ACAP2: variants seen among roughly 807,000 people sequenced by gnomAD.
ACAP2 encodes ArfGAP with coiled-coil, ankyrin repeat and PH domains 2.
Under a neutral mutation model 115.8 loss-of-function variants are expected in ACAP2, and 39 were observed. That is an observed-to-expected ratio of 0.34 (90% CI 0.26 to 0.44). ACAP2 has a LOEUF of 0.44. Ranked by LOEUF, ACAP2 falls within the 20% of genes least tolerant of loss-of-function variation. The pLI is 1.00. For synonymous variants in ACAP2, 289 were observed against 315.8 expected, an observed-to-expected ratio of 0.92 and a Z score of 0.90; for missense variants, 662 against 927.6, an observed-to-expected ratio of 0.71 and a Z score of 3.72.
intron 15 of ACAP2, among the ~76,000 whole-genome samples, chr3:195,300,896 G>A (rs1728001735): frequency 6.6e-6 from 1 of 151,918 alleles, no homozygotes; most frequent in African/African-American, 2.4e-5. Flanking sequence ...ATGCATCTGT[G>A]GTGTCAATTG....
chr3:195,371,239 A>T (rs1446453139), intron 4 of ACAP2, among the ~76,000 whole-genome samples: 1 of 152,064 alleles, frequency 6.6e-6, no homozygotes, highest in East Asian at 1.9e-4. Context: ...TTCTTTGAGC[A>T]ATGTTTTGTA....
At chr3:195,357,031 G>A (rs12485407) in intron 4 of ACAP2, among the ~76,000 whole-genome samples, 3,062 of 151,958 alleles carry the variant, frequency 0.02, 91 homozygotes, top group South Asian at 0.087. Context: ...GGTTCGTAGG[G>A]TCCCTGATTC....
intron 1 of ACAP2, among the ~76,000 whole-genome samples, chr3:195,413,194 C>A (rs1461552199): frequency 2.0e-5 from 3 of 152,080 alleles, no homozygotes; most frequent in Non-Finnish European, 4.4e-5. Flanking sequence ...ATTGCTATTG[C>A]CGTATTTTCT....
At chr3:195,397,126 G>T (rs1040143475) in intron 1 of ACAP2, among the ~76,000 whole-genome samples, 2 of 152,094 alleles carry the variant, frequency 1.3e-5, no homozygotes, top group Non-Finnish European at 1.5e-5. Context: ...TGAAACTGTT[G>T]TATTCTTTTG....
intron 22 of ACAP2, 124 bp from the exon 23 acceptor site, chr3:195,279,552 T>C (rs1726352728): frequency 3.8e-6 from 2 of 525,544 alleles, no homozygotes; most frequent in Non-Finnish European, 6.1e-6. Flanking sequence ...ATGAGCATTT[T>C]TGGAAGAAAA....
At chr3:195,328,342 T>G (rs1236560409) in intron 8 of ACAP2, among the ~76,000 whole-genome samples, 1 of 152,156 alleles carries the variant, frequency 6.6e-6, no homozygotes, top group Non-Finnish European at 1.5e-5. Flanking sequence ...ATTTGATCCC[T>G]TATCACAAAT....
At chr3:195,348,773 T>A (rs1448938097) in intron 4 of ACAP2, among the ~76,000 whole-genome samples, 1 of 152,202 alleles carries the variant, frequency 6.6e-6, no homozygotes, top group East Asian at 1.9e-4. Context: ...CCTTCCTGAT[T>A]TTTAAAAACT....
chr3:195,369,297 G>A (rs1283843487), intron 4 of ACAP2, among the ~76,000 whole-genome samples: 1 of 152,072 alleles, frequency 6.6e-6, no homozygotes, highest in African/African-American at 2.4e-5. Flanking sequence ...TAGGTTCAGT[G>A]GTACATGTGC....
intron 4 of ACAP2, among the ~76,000 whole-genome samples, chr3:195,360,017 G>T (rs1732246119): frequency 6.6e-6 from 1 of 152,182 alleles, no homozygotes; most frequent in Non-Finnish European, 1.5e-5. Flanking sequence ...CATGGCAGGT[G>T]TAAATCCTTA....
intron 4 of ACAP2, among the ~76,000 whole-genome samples, chr3:195,352,401 CAATA>C (rs1731673235): frequency 6.6e-6 from 1 of 152,164 alleles, no homozygotes; most frequent in Admixed American, 6.5e-5. Flanking sequence ...TTAATATAAA[CAATA>C]AATAAAAGAA....
chr3:195,381,829 A>T, intron 3 of ACAP2, 74 bp downstream of exon 3: 1 of 1,490,660 alleles, frequency 6.7e-7, no homozygotes, highest in Non-Finnish European at 9.1e-7. Flanking sequence ...TAAATCAGGT[A>T]GATGAATGCA....
At chr3:195,422,272 T>G (rs1260914252) in intron 1 of ACAP2, among the ~76,000 whole-genome samples, 1 of 150,258 alleles carries the variant, frequency 6.7e-6, no homozygotes, top group Non-Finnish European at 1.5e-5. Context: ...ATTATTTTAT[T>G]GATCCTTAAC....
chr3:195,305,617 T>C (rs1020826540), intron 13 of ACAP2, among the ~76,000 whole-genome samples: 1 of 152,192 alleles, frequency 6.6e-6, no homozygotes, highest in South Asian at 2.1e-4. Context: ...CTGACAGCCA[T>C]GCTGCAGGCT....
rs567613950 is a variant in ACAP2, at chr3:195,405,040, T to C, written c.54-12893A>G. On this transcript the variant is annotated intron_variant, in intron 1 of 22. Coordinates refer to ENST00000326793, the MANE Select transcript of ACAP2 (RefSeq NM_012287.6). Reference sequence around the variant, plus strand: ...GTCTCGAACTCCTGATCTCAAGTGATCCGCCCGCCCCAGCCTCCCAAAGTG... The same window carrying C: ...GTCTCGAACTCCTGATCTCAAGTGACCCGCCCGCCCCAGCCTCCCAAAGTG... Among the ~76,000 whole-genome samples, 11 of 152,026 alleles carry C rather than the reference T, an allele frequency of 7.2e-5. 1 individual carries two copies. Among genetic ancestry groups the C allele is most frequent in the Middle Eastern group, 3.4e-3 (1 of 294 alleles).
intron 6 of ACAP2, among the ~76,000 whole-genome samples, chr3:195,338,193 CGAA>C (rs765343706): frequency 6.6e-6 from 1 of 152,206 alleles, no homozygotes; most frequent in Non-Finnish European, 1.5e-5. Flanking sequence ...TCTCCCTAAC[CGAA>C]GTGTAAATTC....
intron 10 of ACAP2, among the ~76,000 whole-genome samples, chr3:195,312,584 A>C (rs1728840284): frequency 6.6e-6 from 1 of 152,036 alleles, no homozygotes; most frequent in Non-Finnish European, 1.5e-5. Context: ...CTCCCACCTC[A>C]GCCTCTGGAG....
intron 5 of ACAP2, among the ~76,000 whole-genome samples, chr3:195,344,341 A>G (rs2108653576): frequency 6.6e-6 from 1 of 152,338 alleles, no homozygotes; most frequent in East Asian, 1.9e-4. Flanking sequence ...GTACAGCTCT[A>G]TTATAATAAA....
chr3:195,298,959 C>CGGA (rs1476028654), intron 15 of ACAP2, among the ~76,000 whole-genome samples: 1 of 152,190 alleles, frequency 6.6e-6, no homozygotes, highest in Non-Finnish European at 1.5e-5. Flanking sequence ...CTATCTCTCC[C>CGGA]TGTCACTTTC....
At chr3:195,439,631 TG>T (rs1164602041) in intron 1 of ACAP2, among the ~76,000 whole-genome samples, 1 of 152,012 alleles carries the variant, frequency 6.6e-6, no homozygotes, top group Non-Finnish European at 1.5e-5. Flanking sequence ...TTGTTTTTTT[TG>T]TTTTTTTTGT....
Sources: gnomAD v4.1 joint callset for allele counts (sites outside exome capture counted in the v4.1 genomes callset) on GRCh38, gnomAD v4.1.1 for gene constraint, MANE v1.5 for transcripts, NCBI Gene and HGNC (gene_info 2026-07-23, HGNC 2026-07-21) for gene names.